Variants in DAPK1 observed in about 807,000 individuals in gnomAD.
DAPK1 encodes the protein death associated protein kinase 1.
DAPK1 carries 56 observed loss-of-function variants against 144.9 expected under a neutral mutation model. That is an observed-to-expected ratio of 0.39 (90% CI 0.31 to 0.48). The LOEUF (loss-of-function observed/expected upper bound fraction) is 0.48, where lower values mean the gene tolerates loss of function less well. Ranked by LOEUF, DAPK1 falls within the 20% of genes least tolerant of loss-of-function variation. The pLI is 0.95. For missense variants in DAPK1, 1,454 were observed against 1,875.4 expected (o/e 0.78, Z 4.15); for synonymous variants, 690 against 749.0 (o/e 0.92, Z 1.29).
chr9:87,657,978 T>G (rs539910788), intron 17 of DAPK1, 51 bp from the exon 18 acceptor site: 1 of 752,022 alleles, frequency 1.3e-6, no homozygotes, highest in African/African-American at 1.7e-5. Context: ...AATGTCATCC[T>G]CAGCAACTGC....
intron 2 of DAPK1, among the ~76,000 whole-genome samples, chr9:87,594,357 C>T (rs1828242679): frequency 6.6e-6 from 1 of 152,196 alleles, no homozygotes; most frequent in Admixed American, 6.5e-5. Flanking sequence ...GTGCAGTTCA[C>T]GTATCCTTTA....
At chr9:87,630,546 G>C (rs1488207346) in intron 3 of DAPK1, among the ~76,000 whole-genome samples, 1 of 152,176 alleles carries the variant, frequency 6.6e-6, no homozygotes, top group Non-Finnish European at 1.5e-5. Flanking sequence ...AGAGAGATGA[G>C]AGTGTGGGTG....
At chr9:87,536,272 C>T (rs774265093) in intron 2 of DAPK1, among the ~76,000 whole-genome samples, 2 of 152,152 alleles carry the variant, frequency 1.3e-5, no homozygotes, top group Non-Finnish European at 2.9e-5. Flanking sequence ...GCGCAGAGAG[C>T]TCCCAAACAT....
At chr9:87,583,002 T>C (rs939867749) in intron 2 of DAPK1, among the ~76,000 whole-genome samples, 1 of 152,084 alleles carries the variant, frequency 6.6e-6, no homozygotes, top group Non-Finnish European at 1.5e-5. Flanking sequence ...CAAGAAGCGG[T>C]TGACCTCTGC....
chr9:87,647,255 TG>T, intron 13 of DAPK1, 49 bp from the exon 14 acceptor site: 1 of 1,438,258 alleles, frequency 7.0e-7, no homozygotes, highest in Non-Finnish European at 9.8e-7. Flanking sequence ...TGCATGCATC[TG>T]GTGCTGTCAG....
At chr9:87,699,929 C>T (rs888138377) in intron 23 of DAPK1, among the ~76,000 whole-genome samples, 188 bp from the exon 24 acceptor site, 2 of 152,118 alleles carry the variant, frequency 1.3e-5, no homozygotes, top group African/African-American at 4.8e-5. Flanking sequence ...GCCAGTTTCC[C>T]CAAGTCTCTG....
chr9:87,559,768 A>G (rs1184231427), intron 2 of DAPK1, among the ~76,000 whole-genome samples: 2 of 152,260 alleles, frequency 1.3e-5, no homozygotes, highest in African/African-American at 2.4e-5. Flanking sequence ...AATGTCTACA[A>G]TAGTCCCGGG....
chr9:87,556,839 A>G (rs2118615525), intron 2 of DAPK1, among the ~76,000 whole-genome samples: 1 of 152,278 alleles, frequency 6.6e-6, no homozygotes, highest in Non-Finnish European at 1.5e-5. Context: ...GTGAGAATAG[A>G]CATGAGTTGT....
In DAPK1 at chr9:87,511,237, G is replaced by T. The variant is rs561845268; in HGVS notation, c.62+12098G>T. Among the ~76,000 whole-genome samples the T allele has an allele frequency of 2.0e-5, 3 of 152,144 alleles. No homozygotes were observed. The East Asian group carries it at 5.8e-4, about 29-fold the overall frequency. The stretch of plus-strand genomic sequence containing the variant: ...TTTCTAGGTATCCTTGCCTCCTTCC[G>T]ACTGGACTCAGTTTATGTGCCGAGC... On this transcript the variant is annotated intron_variant, in intron 2 of 25. Coordinates refer to ENST00000408954, the MANE Select transcript of DAPK1 (RefSeq NM_004938.4).
chr9:87,591,552 TG>T (rs1828135068), intron 2 of DAPK1, among the ~76,000 whole-genome samples: 1 of 152,210 alleles, frequency 6.6e-6, no homozygotes, highest in South Asian at 2.1e-4. Context: ...TGTTAGGCTC[TG>T]GGGATTCAAA....
intron 20 of DAPK1, among the ~76,000 whole-genome samples, chr9:87,684,412 C>G (rs573286954): frequency 4.9e-4 from 74 of 152,296 alleles, no homozygotes; most frequent in African/African-American, 1.8e-3. Flanking sequence ...CTTTTCCCTT[C>G]AATGAGAGAG....
intron 2 of DAPK1, among the ~76,000 whole-genome samples, chr9:87,547,314 G>A (rs1826286016): frequency 6.6e-6 from 1 of 152,146 alleles, no homozygotes; most frequent in Non-Finnish European, 1.5e-5. Context: ...ACCTGTTACT[G>A]GCTTCCAGAG....
intron 19 of DAPK1, among the ~76,000 whole-genome samples, chr9:87,673,925 C>G (rs1450585655): frequency 6.6e-6 from 1 of 152,138 alleles, no homozygotes; most frequent in Non-Finnish European, 1.5e-5. Context: ...CTTCTACTTC[C>G]TTGCGCTCAG....
chr9:87,559,076 T>G (rs1009260790), intron 2 of DAPK1, among the ~76,000 whole-genome samples: 7 of 152,168 alleles, frequency 4.6e-5, no homozygotes, highest in African/African-American at 1.7e-4. Context: ...CCCAACAAAA[T>G]GACAGTTGGC....
In DAPK1 at chr9:87,686,514, C is replaced by G. The variant is rs1420223616; in HGVS notation, c.2225-37C>G. ...GGGAGGGAGACAGGCACACGCTGCC[C>G]CCATCGAGTACTCATGTGATCCTTT... On this transcript the variant is annotated intron_variant, in intron 20 of 25. Transcript: ENST00000408954. The surrounding 1 kb of genome is among the most constrained non-coding windows in gnomAD (Gnocchi z 4.2). The G allele has an allele frequency of 1.6e-6, 2 of 1,216,630 alleles. No individual in the cohort carries two copies. The highest frequency in any genetic ancestry group is 2.4e-6 in the Non-Finnish European group (2 of 844,334). 75.4% of individuals were successfully genotyped at this position (1,216,630 alleles called of 1,614,324 possible). A position where few individuals can be genotyped will look rare whatever the true frequency, so the allele number is the denominator to read the frequency against.
At chr9:87,522,291 A>G (rs1825327762) in intron 2 of DAPK1, among the ~76,000 whole-genome samples, 1 of 152,236 alleles carries the variant, frequency 6.6e-6, no homozygotes, top group Non-Finnish European at 1.5e-5. Context: ...AAAGTCAAAG[A>G]CAGTATCTTG....
chr9:87,611,903 T>C (rs923058899), intron 3 of DAPK1, among the ~76,000 whole-genome samples: 1 of 152,260 alleles, frequency 6.6e-6, no homozygotes, highest in African/African-American at 2.4e-5. Context: ...GCTATGTCCC[T>C]GTCTTAGTTC....
intron 18 of DAPK1, among the ~76,000 whole-genome samples, chr9:87,660,328 G>C (rs565236524): frequency 6.6e-6 from 1 of 152,186 alleles, no homozygotes; most frequent in African/African-American, 2.4e-5. Flanking sequence ...ATTACTGGGG[G>C]CGTCGCCCTC....
At chr9:87,603,474 C>T (rs529972380) in intron 2 of DAPK1, among the ~76,000 whole-genome samples, 15 of 152,328 alleles carry the variant, frequency 9.8e-5, no homozygotes, top group Admixed American at 2.6e-4. Flanking sequence ...AAATTTGACA[C>T]GGCTATAAAG....
Sources: gnomAD v4.1 joint callset for allele counts (sites outside exome capture counted in the v4.1 genomes callset) on GRCh38, gnomAD v4.1.1 for gene constraint, Gnocchi (gnomAD v3.1) non-coding constraint, MANE v1.5 for transcripts, NCBI Gene and HGNC (gene_info 2026-07-23, HGNC 2026-07-21) for gene names.